The following CNTN3 variants were observed in gnomAD, a reference collection of about 807,000 sequenced individuals.
CNTN3 encodes contactin 3.
A neutral mutation model predicts 119.1 loss-of-function variants in CNTN3; 60 were observed. That is an observed-to-expected ratio of 0.50 (90% CI 0.41 to 0.62). CNTN3 has a LOEUF of 0.62. Among genes scored for constraint, CNTN3 ranks in the 20% least tolerant of loss-of-function variants. The pLI is 0.00. For missense variants in CNTN3, 1,101 were observed against 1,242.4 expected (o/e 0.89, Z 1.71); for synonymous variants, 450 against 438.7 (o/e 1.03, Z -0.32).
chr3:74,483,956 C>A (rs1702807116), intron 4 of CNTN3, among the ~76,000 whole-genome samples: 1 of 152,040 alleles, frequency 6.6e-6, no homozygotes, highest in South Asian at 2.1e-4. Context: ...TTCTTTTTTT[C>A]TCTTACAAGT....
chr3:74,511,726 A>G (rs1703368103), intron 2 of CNTN3, among the ~76,000 whole-genome samples: 1 of 152,166 alleles, frequency 6.6e-6, no homozygotes, highest in South Asian at 2.1e-4. Context: ...TTTGAATTTT[A>G]ATGTCCATAA....
chr3:74,430,033 G>A (rs1259134362), intron 4 of CNTN3, among the ~76,000 whole-genome samples: 2 of 152,192 alleles, frequency 1.3e-5, no homozygotes, highest in Non-Finnish European at 2.9e-5. Flanking sequence ...TTCAGACATT[G>A]TCTTCTTAAG....
chr3:74,415,450 C>T (rs12490454), intron 5 of CNTN3, among the ~76,000 whole-genome samples: 1 of 151,928 alleles, frequency 6.6e-6, no homozygotes, highest in Non-Finnish European at 1.5e-5. Flanking sequence ...GCCGTGACAG[C>T]CCCAGGGACA....
In CNTN3 at chr3:74,434,410, A is replaced by G. The variant is rs1701833512; in HGVS notation, c.359-9470T>C. 2.6e-5 allele frequency among the ~76,000 whole-genome samples: 4 copies of G among 152,184 alleles called. No individual in the cohort carries two copies. The South Asian group carries it at 8.3e-4, about 31-fold the overall frequency. Reference sequence around the variant, plus strand: ...CTTTTGTCTTCCTTACAGTTTTTCAAACATGCACAGTTCACCCCATCTTAA... The same window carrying G: ...CTTTTGTCTTCCTTACAGTTTTTCAGACATGCACAGTTCACCCCATCTTAA... On this transcript the variant is annotated intron_variant, in intron 4 of 22. Coordinates refer to ENST00000263665, the MANE Select transcript of CNTN3 (RefSeq NM_020872.3).
At chr3:74,377,167 A>G (rs1704497409) in intron 5 of CNTN3, among the ~76,000 whole-genome samples, 1 of 152,138 alleles carries the variant, frequency 6.6e-6, no homozygotes, top group South Asian at 2.1e-4. Context: ...CACTGTCATG[A>G]GAGGTATGGA....
chr3:74,390,345 C>G (rs920970644), intron 5 of CNTN3, among the ~76,000 whole-genome samples: 4 of 143,990 alleles, frequency 2.8e-5, no homozygotes, highest in African/African-American at 1.0e-4. Context: ...GCTGTTTTTA[C>G]TTTACCAGTC....
chr3:74,279,794 A>T (rs1027692017), intron 20 of CNTN3, among the ~76,000 whole-genome samples: 1 of 152,128 alleles, frequency 6.6e-6, no homozygotes, highest in African/African-American at 2.4e-5. Context: ...ATGGAAAAAT[A>T]ATAATAAAAT....
At chr3:74,319,043 T>A (rs1101695) in intron 13 of CNTN3, among the ~76,000 whole-genome samples, 44,352 of 152,034 alleles carry the variant, frequency 0.29, 7,114 homozygotes, top group East Asian at 0.68. Context: ...AGAACATTCC[T>A]TGCTCATGGG....
intron 4 of CNTN3, among the ~76,000 whole-genome samples, chr3:74,473,834 A>T (rs1243250530): frequency 2.0e-5 from 3 of 152,198 alleles, no homozygotes; most frequent in Admixed American, 2.0e-4. Context: ...AGCACCTAAA[A>T]GTAAGGCAAG....
chr3:74,512,858 C>T (rs1213578162), intron 2 of CNTN3, among the ~76,000 whole-genome samples: 1 of 151,994 alleles, frequency 6.6e-6, no homozygotes, highest in Non-Finnish European at 1.5e-5. Context: ...TAATTATGCT[C>T]CACTTAATAC....
chr3:74,427,920 A>G (rs1195320120), intron 4 of CNTN3, among the ~76,000 whole-genome samples: 2 of 152,194 alleles, frequency 1.3e-5, no homozygotes, highest in African/African-American at 2.4e-5. Context: ...GACACATACT[A>G]TGTACATGGA....
intron 5 of CNTN3, among the ~76,000 whole-genome samples, chr3:74,399,282 T>C (rs1260584135): frequency 1.3e-5 from 2 of 152,112 alleles, no homozygotes; most frequent in Admixed American, 1.3e-4. Flanking sequence ...TTCCTGATCC[T>C]CCCCTTCCTC....
rs1190016086 is a variant in CNTN3 at position 74,263,998 on chromosome 3, TTAAGTCTTCCAAATAATGC to T, written c.*384_*402del. 1 of 153,246 alleles carries T rather than the reference TTAAGTCTTCCAAATAATGC, an allele frequency of 6.5e-6. No homozygotes were observed. Among genetic ancestry groups the T allele is most frequent in the Non-Finnish European group, 1.5e-5 (1 of 68,640 alleles). The allele number at this position is 153,246 out of a possible 1,614,324, so 9.5% of individuals were successfully genotyped here. A position where few individuals can be genotyped will look rare whatever the true frequency, so the allele number is the denominator to read the frequency against. Reference sequence around the variant, plus strand: ...AATCAGCATTTCAAATTGATACTGGTTAAGTCTTCCAAATAATGCTATTATAATGGGAAAATAGCATTTG... The same window carrying T: ...AATCAGCATTTCAAATTGATACTGGTTATTATAATGGGAAAATAGCATTTG... On this transcript the variant is annotated 3_prime_UTR_variant, in exon 23 of 23. Transcript: ENST00000263665.
chr3:74,461,839 C>T (rs1007232719), intron 4 of CNTN3, among the ~76,000 whole-genome samples: 9 of 152,054 alleles, frequency 5.9e-5, no homozygotes, highest in Non-Finnish European at 1.5e-5. Flanking sequence ...CTTGTCAAGA[C>T]CACTTATGTT....
At chr3:74,279,318 T>C (rs749506787) in intron 20 of CNTN3, among the ~76,000 whole-genome samples, 1 of 152,214 alleles carries the variant, frequency 6.6e-6, no homozygotes, top group Admixed American at 6.5e-5. Context: ...TGCATGTTTA[T>C]AGCAGCACAA....
intron 11 of CNTN3, among the ~76,000 whole-genome samples, chr3:74,344,337 C>A (rs972489280): frequency 6.7e-6 from 1 of 148,234 alleles, no homozygotes; most frequent in South Asian, 2.2e-4. Context: ...ATTCTAAAGT[C>A]ATCCGCTTTT....
At chr3:74,598,511 G>A (rs1009612945) in intron 1 of CNTN3, among the ~76,000 whole-genome samples, 2 of 152,052 alleles carry the variant, frequency 1.3e-5, no homozygotes, top group East Asian at 3.9e-4. Context: ...CCCAGGCTGA[G>A]TGCAGTGGCA....
rs980812477 is a variant in CNTN3 at position 74,322,711 on chromosome 3, A to T, written c.1668+12024T>A. Among the ~76,000 whole-genome samples the T allele has an allele frequency of 3.9e-5, 6 of 152,330 alleles. No individual in the cohort carries two copies. In the South Asian group the frequency reaches 8.3e-4, roughly 21 times the overall value. ...GCACACAGATGTATATAGCAGCTTTATTCATAATTGCCAAAACATGGAAGC... is the reference window on the plus strand; with the variant it reads ...GCACACAGATGTATATAGCAGCTTTTTTCATAATTGCCAAAACATGGAAGC... On this transcript the variant is annotated intron_variant, in intron 13 of 22. Coordinates refer to ENST00000263665, the MANE Select transcript of CNTN3 (RefSeq NM_020872.3).
chr3:74,347,636 G>A (rs980357651), intron 11 of CNTN3, among the ~76,000 whole-genome samples: 1 of 152,030 alleles, frequency 6.6e-6, no homozygotes, highest in Non-Finnish European at 1.5e-5. Flanking sequence ...TATTTTTTCT[G>A]TTCCTTATGC....
Sources: allele counts gnomAD v4.1 joint callset (sites outside exome capture counted in the v4.1 genomes callset), GRCh38; gene constraint gnomAD v4.1.1; transcripts MANE v1.5; gene names NCBI Gene and HGNC (gene_info 2026-07-23, HGNC 2026-07-21).